SRGAP3: variants seen among roughly 807,000 people sequenced by gnomAD.
The protein encoded by SRGAP3 is SLIT-ROBO Rho GTPase-activating protein 3.
SRGAP3 carries 39 observed loss-of-function variants against 121.1 expected under a neutral mutation model. That is an observed-to-expected ratio of 0.32 (90% CI 0.25 to 0.42). The LOEUF is 0.42. Among genes scored for constraint, SRGAP3 ranks in the 10% least tolerant of loss-of-function variants. The pLI is 1.00. For synonymous variants in SRGAP3, 601 were observed against 570.0 expected (o/e 1.05, Z -0.77); for missense variants, 1,213 against 1,470.6 (o/e 0.82, Z 2.86).
chr3:9,105,385 T>G (rs1181241450), intron 2 of SRGAP3, among the ~76,000 whole-genome samples: 2 of 152,154 alleles, frequency 1.3e-5, no homozygotes, highest in Non-Finnish European at 2.9e-5. Flanking sequence ...CTAGGAGGGC[T>G]CAGATTCTGT....
At chr3:9,333,204 T>G (rs1955639107) in intron 1 of SRGAP3, among the ~76,000 whole-genome samples, 1 of 152,216 alleles carries the variant, frequency 6.6e-6, no homozygotes, top group Non-Finnish European at 1.5e-5. Flanking sequence ...GACTCACTGG[T>G]ATAAAGCTAT....
intron 1 of SRGAP3, among the ~76,000 whole-genome samples, chr3:9,357,578 T>A (rs2030587416): frequency 6.6e-6 from 1 of 150,652 alleles, no homozygotes; most frequent in Non-Finnish European, 1.5e-5. Context: ...AATGTTACTC[T>A]TCTGGGGAGT....
In SRGAP3 at chr3:9,347,367, A is replaced by T. The variant is rs143525881; in HGVS notation, n.214+15473T>A. On this transcript the variant is annotated intron_variant and non_coding_transcript_variant, in intron 1 of 3. Coordinates refer to the SRGAP3 transcript ENST00000490889. ...TCTATGTATAATTTTTTAAATGATA[A>T]TTTTTTTTAATTTGTAGAGACAGGG... Among the ~76,000 whole-genome samples the T allele has an allele frequency of 3.3e-3, 504 of 152,130 alleles. 2 individuals carry two copies. The highest frequency in any genetic ancestry group is 0.012 in the African/African-American group (485 of 41,516).
chr3:9,134,755 C>A lies in SRGAP3; in HGVS notation c.68-9838G>T, dbSNP rs1029992323. 5.3e-5 allele frequency among the ~76,000 whole-genome samples: 8 copies of A among 152,198 alleles called. No individual in the cohort carries two copies. In the East Asian group the frequency reaches 1.5e-3, roughly 29 times the overall value. On this transcript the variant is annotated intron_variant, in intron 1 of 21. Coordinates refer to ENST00000383836, the MANE Select transcript of SRGAP3 (RefSeq NM_014850.4). ...AGTGGTCATCTTTGTGCCATCCACA[C>A]AGAGCACCAGTCTGGCTGTCATTAT... is the stretch of plus-strand genomic sequence containing the variant.
chr3:9,274,905 C>T (rs73122619), intron 3 of SRGAP3, among the ~76,000 whole-genome samples: 9,475 of 152,180 alleles, frequency 0.062, 903 homozygotes, highest in African/African-American at 0.2. Context: ...CCTCTCTCTG[C>T]CAGCTGAGCC....
intron 3 of SRGAP3, among the ~76,000 whole-genome samples, chr3:9,324,720 G>A (rs989179938): frequency 1.3e-5 from 2 of 151,656 alleles, no homozygotes; most frequent in African/African-American, 4.8e-5. Flanking sequence ...CACTTTGAGA[G>A]GCCAAGGTGG....
chr3:9,022,710 C>T (rs923307861), intron 14 of SRGAP3, among the ~76,000 whole-genome samples: 1 of 152,166 alleles, frequency 6.6e-6, no homozygotes, highest in Admixed American at 6.5e-5. Flanking sequence ...CATACTAGAA[C>T]GATTCTTTCA....
intron 4 of SRGAP3, among the ~76,000 whole-genome samples, chr3:9,075,059 A>G (rs1027450714): frequency 6.6e-6 from 1 of 152,244 alleles, no homozygotes; most frequent in Non-Finnish European, 1.5e-5. Context: ...AATATATTGA[A>G]AATCTGAACA....
At chr3:9,066,559 G>C (rs866551112) in intron 4 of SRGAP3, among the ~76,000 whole-genome samples, 3 of 152,250 alleles carry the variant, frequency 2.0e-5, no homozygotes, top group Middle Eastern at 3.4e-3. Context: ...GAGTGCAGTA[G>C]CATGATCTTG....
At chr3:9,351,529 T>C (rs1413565844) in intron 1 of SRGAP3, among the ~76,000 whole-genome samples, 2 of 152,168 alleles carry the variant, frequency 1.3e-5, no homozygotes, top group Non-Finnish European at 2.9e-5. Flanking sequence ...GTTAGAGGGA[T>C]TGAACCCCAT....
intron 3 of SRGAP3, among the ~76,000 whole-genome samples, chr3:9,289,258 C>T (rs772563766): frequency 3.9e-5 from 6 of 152,154 alleles, no homozygotes; most frequent in Admixed American, 1.3e-4. Context: ...TTAACATATT[C>T]GAATACTTCT....
At chr3:9,172,097 T>C (rs1008419304) in intron 1 of SRGAP3, among the ~76,000 whole-genome samples, 10 of 148,938 alleles carry the variant, frequency 6.7e-5, no homozygotes, top group South Asian at 2.2e-4. Context: ...TCTTTTCTTT[T>C]TTTTTTTTTT....
intron 3 of SRGAP3, among the ~76,000 whole-genome samples, chr3:9,310,494 T>C (rs1231207199): frequency 6.6e-6 from 1 of 151,876 alleles, no homozygotes; most frequent in African/African-American, 2.4e-5. Flanking sequence ...TGCAACCCGA[T>C]CAGGGCCAAT....
chr3:9,057,935 C>T (rs895374810), intron 7 of SRGAP3, among the ~76,000 whole-genome samples: 5 of 152,152 alleles, frequency 3.3e-5, no homozygotes, highest in Non-Finnish European at 7.3e-5. Flanking sequence ...CCAGGCTTCC[C>T]GTGGACCTCA....
intron 4 of SRGAP3, among the ~76,000 whole-genome samples, chr3:9,073,938 G>A (rs143276412): frequency 6.6e-5 from 10 of 152,296 alleles, no homozygotes; most frequent in East Asian, 3.9e-4. Context: ...GAGATTATAC[G>A]GGGATGGAGA....
At chr3:9,064,030 G>T (rs1946302569) in intron 5 of SRGAP3, among the ~76,000 whole-genome samples, 1 of 152,092 alleles carries the variant, frequency 6.6e-6, no homozygotes, top group South Asian at 2.1e-4. Flanking sequence ...CATCAAATTG[G>T]CCTCTGGAAC....
chr3:9,237,688 G>C (rs1953464630), intron 1 of SRGAP3, among the ~76,000 whole-genome samples: 1 of 152,228 alleles, frequency 6.6e-6, no homozygotes, highest in South Asian at 2.1e-4. Context: ...GAGAAGTCCA[G>C]AAACCAGTAC....
chr3:9,207,924 C>T (rs1952320958), intron 1 of SRGAP3, among the ~76,000 whole-genome samples: 1 of 152,212 alleles, frequency 6.6e-6, no homozygotes, highest in African/African-American at 2.4e-5. Flanking sequence ...TCTTATGGAA[C>T]ATAATTCCAG....
At chr3:9,060,428 C>CT (rs59248524) in intron 5 of SRGAP3, 69 bp from the exon 6 acceptor site, 22,623 of 1,161,148 alleles carry the variant, frequency 0.019, 93 homozygotes, top group East Asian at 0.082. Context: ...TTTTCTATTC[C>CT]TTTTTTTTTT....
Sources: gnomAD v4.1 joint callset for allele counts (sites outside exome capture counted in the v4.1 genomes callset) on GRCh38, gnomAD v4.1.1 for gene constraint, MANE v1.5 for transcripts, NCBI Gene and HGNC (gene_info 2026-07-23, HGNC 2026-07-21) for gene names.